COG5: variants seen among roughly 807,000 people sequenced by gnomAD.
COG5 encodes conserved oligomeric Golgi complex subunit 5.
Under a neutral mutation model 110.4 loss-of-function variants are expected in COG5, and 86 were observed. The observed-to-expected ratio is 0.78, with a 90% CI of 0.65 to 0.93. The LOEUF is 0.93. COG5 is among the 40% of genes least tolerant of loss of function. COG5 has a pLI of 0.00. For missense variants in COG5, 1,077 were observed against 987.0 expected (o/e 1.09, Z -1.22); for synonymous variants, 360 against 334.6 (o/e 1.08, Z -0.83).
chr7:107,472,807 T>C (rs1796717219), intron 6 of COG5: 1 of 151,962 alleles, frequency 6.6e-6, no homozygotes, highest in Non-Finnish European at 1.5e-5. Context: ...TTGAAAATTA[T>C]TAGCTTTTAT....
intron 19 of COG5, among the ~76,000 whole-genome samples, chr7:107,225,502 C>T (rs1050283669): frequency 6.6e-6 from 1 of 152,060 alleles, no homozygotes; most frequent in East Asian, 1.9e-4. Flanking sequence ...TCCATTCAAA[C>T]AAATACTTTT....
intron 6 of COG5, among the ~76,000 whole-genome samples, chr7:107,434,316 G>A (rs2129081958): frequency 6.6e-6 from 1 of 152,230 alleles, no homozygotes; most frequent in East Asian, 1.9e-4. Context: ...ATCCCATTTT[G>A]GGGCATACAC....
intron 7 of COG5, among the ~76,000 whole-genome samples, chr7:107,374,362 AAAG>A (rs1814448974): frequency 6.6e-6 from 1 of 152,080 alleles, no homozygotes; most frequent in Non-Finnish European, 1.5e-5. Context: ...GAGCAACATC[AAAG>A]AATACTTTCA....
At chr7:107,248,571 G>T in intron 16 of COG5, 72 bp from the exon 17 acceptor site, 1 of 990,262 alleles carries the variant, frequency 1.0e-6, no homozygotes, top group Non-Finnish European at 1.6e-6. Context: ...AATTTGAGAT[G>T]TGAGAAACAC....
chr7:107,300,933 T>A (rs1340433397), intron 11 of COG5, among the ~76,000 whole-genome samples: 1 of 152,116 alleles, frequency 6.6e-6, no homozygotes, highest in African/African-American at 2.4e-5. Context: ...AATACACTAG[T>A]ACTGGGGTAA....
chr7:107,337,810 T>C (rs377604112), intron 10 of COG5, among the ~76,000 whole-genome samples: 1 of 152,126 alleles, frequency 6.6e-6, no homozygotes, highest in Non-Finnish European at 1.5e-5. Context: ...CTTGAGATGT[T>C]CCCACATGGA....
chr7:107,539,672 T>C (rs977619512), intron 5 of COG5, among the ~76,000 whole-genome samples: 1 of 152,184 alleles, frequency 6.6e-6, no homozygotes, highest in Non-Finnish European at 1.5e-5. Flanking sequence ...CTTGTGAATA[T>C]AGTAAAAACC....
At chr7:107,527,979 G>A (rs571068476) in intron 5 of COG5, among the ~76,000 whole-genome samples, 2 of 152,000 alleles carry the variant, frequency 1.3e-5, no homozygotes, top group South Asian at 4.2e-4. Flanking sequence ...CAATCACTAT[G>A]CTAGGTTGCT....
intron 6 of COG5, among the ~76,000 whole-genome samples, chr7:107,433,229 T>C (rs1036192991): frequency 6.6e-6 from 1 of 152,186 alleles, no homozygotes; most frequent in Non-Finnish European, 1.5e-5. Context: ...GATTTTGAAT[T>C]GAAAGGCTTA....
chr7:107,494,744 A>C (rs189977993), intron 6 of COG5, among the ~76,000 whole-genome samples: 58 of 152,310 alleles, frequency 3.8e-4, no homozygotes, highest in Non-Finnish European at 5.1e-4. Flanking sequence ...AGAAAGATTT[A>C]CTTTTAATTA....
intron 14 of COG5, among the ~76,000 whole-genome samples, chr7:107,266,314 G>T (rs920876514): frequency 5.3e-5 from 8 of 152,058 alleles, no homozygotes; most frequent in Non-Finnish European, 1.2e-4. Context: ...TTCTCACAGC[G>T]TATGCCATAC....
rs6978889 is a variant in COG5, at chr7:107,360,444, C to T, written c.1026+1589G>A. On this transcript the variant is annotated intron_variant, in intron 10 of 21. Transcript: ENST00000297135. ...CAAACAGGGATGAAACATGCCTCCACTGCTCACCACATTCTGGGCAACAAG... is the reference window on the plus strand; with the variant it reads ...CAAACAGGGATGAAACATGCCTCCATTGCTCACCACATTCTGGGCAACAAG... Among the ~76,000 whole-genome samples the T allele has an allele frequency of 6.3e-3, 953 of 152,336 alleles. 15 individuals carry two copies. Among genetic ancestry groups the T allele is most frequent in the African/African-American group, 0.022 (907 of 41,576 alleles).
chr7:107,531,984 T>C (rs1322162023), intron 5 of COG5, among the ~76,000 whole-genome samples: 1 of 152,212 alleles, frequency 6.6e-6, no homozygotes, highest in African/African-American at 2.4e-5. Context: ...GATCATTTTA[T>C]ACATTTCATG....
At chr7:107,490,141 A>G (rs950391773) in intron 6 of COG5, among the ~76,000 whole-genome samples, 2 of 152,200 alleles carry the variant, frequency 1.3e-5, no homozygotes, top group Non-Finnish European at 2.9e-5. Context: ...CAGAAATTTC[A>G]GAGACTTGAT....
At chr7:107,217,269 A>C (rs1019802848) in intron 19 of COG5, among the ~76,000 whole-genome samples, 3 of 152,278 alleles carry the variant, frequency 2.0e-5, no homozygotes, top group Non-Finnish European at 4.4e-5. Flanking sequence ...CCAATCAAAG[A>C]AAAGCCCAGG....
intron 7 of COG5, 52 bp downstream of exon 7, chr7:107,412,450 A>T: frequency 6.4e-7 from 1 of 1,560,864 alleles, no homozygotes; most frequent in South Asian, 1.1e-5. Flanking sequence ...TCAAATGTTC[A>T]CCTGTATTAT....
chr7:107,379,916 C>T (rs969746911), intron 7 of COG5, among the ~76,000 whole-genome samples: 2 of 152,074 alleles, frequency 1.3e-5, no homozygotes, highest in African/African-American at 4.8e-5. Context: ...CTGCTCTGGA[C>T]CAAGCGGACC....
chr7:107,350,646 A>T (rs1812058487), intron 10 of COG5, among the ~76,000 whole-genome samples: 1 of 152,210 alleles, frequency 6.6e-6, no homozygotes, highest in African/African-American at 2.4e-5. Flanking sequence ...ACTTAATATA[A>T]GAATTCTGGT....
At chr7:107,512,373 G>A (rs1191053930) in intron 6 of COG5, among the ~76,000 whole-genome samples, 7 of 152,188 alleles carry the variant, frequency 4.6e-5, no homozygotes, top group South Asian at 4.2e-4. Context: ...AGAACTACAA[G>A]CCACTGCTCA....
Sources: gnomAD v4.1 joint callset for allele counts (sites outside exome capture counted in the v4.1 genomes callset) on GRCh38, gnomAD v4.1.1 for gene constraint, MANE v1.5 for transcripts, NCBI Gene and HGNC (gene_info 2026-07-23, HGNC 2026-07-21) for gene names.